NFATC2: variants seen among roughly 807,000 people sequenced by gnomAD.
The protein encoded by NFATC2 is nuclear factor of activated T-cells, cytoplasmic 2.
NFATC2 carries 22 observed loss-of-function variants against 87.3 expected under a neutral mutation model. That is an observed-to-expected ratio of 0.25 (90% confidence interval 0.18 to 0.36). NFATC2 has a LOEUF of 0.36. Among genes scored for constraint, NFATC2 ranks in the 10% least tolerant of loss-of-function variants. The probability of loss-of-function intolerance (pLI) is 1.00; values close to 1 mark genes in which losing one functional copy is unlikely to be tolerated. For missense variants in NFATC2, 1,149 were observed against 1,259.1 expected (o/e 0.91, Z 1.32); for synonymous variants, 565 against 542.2 (o/e 1.04, Z -0.58).
At chr20:51,520,493 C>T (rs1191366008) in intron 2 of NFATC2, among the ~76,000 whole-genome samples, 1 of 150,126 alleles carries the variant, frequency 6.7e-6, no homozygotes, top group Non-Finnish European at 1.5e-5. Context: ...GTCTAGTTTG[C>T]ACCTGTCTCC....
At chr20:51,398,441 C>T (rs995484576) in intron 10 of NFATC2, among the ~76,000 whole-genome samples, 10 of 152,172 alleles carry the variant, frequency 6.6e-5, no homozygotes, top group Middle Eastern at 3.4e-3. Context: ...CCCCTTCTCC[C>T]GCCCAACCCT....
chr20:51,396,628 G>A (rs1379775856), intron 10 of NFATC2, among the ~76,000 whole-genome samples: 1 of 152,166 alleles, frequency 6.6e-6, no homozygotes. Flanking sequence ...AGCTTGGATG[G>A]GAATCAAGAG....
At chr20:51,403,050 C>G (rs2146246699) in intron 9 of NFATC2, among the ~76,000 whole-genome samples, 1 of 152,356 alleles carries the variant, frequency 6.6e-6, no homozygotes, top group South Asian at 2.1e-4. Context: ...ACACACCTCC[C>G]CCCAACACAT....
At chr20:51,557,174 C>G (rs1717626077) in intron 1 of NFATC2, among the ~76,000 whole-genome samples, 1 of 152,196 alleles carries the variant, frequency 6.6e-6, no homozygotes, top group Non-Finnish European at 1.5e-5. Context: ...ATACCAAGCT[C>G]TCAGGGTTTT....
chr20:51,394,154 C>T (rs1015006296), intron 10 of NFATC2, among the ~76,000 whole-genome samples: 17 of 152,006 alleles, frequency 1.1e-4, no homozygotes, highest in African/African-American at 3.9e-4. Flanking sequence ...TCTGAAATGT[C>T]GGCACTTGTT....
chr20:51,445,867 T>C (rs1984994425), intron 6 of NFATC2, among the ~76,000 whole-genome samples: 2 of 152,188 alleles, frequency 1.3e-5, no homozygotes, highest in Admixed American at 1.3e-4. Flanking sequence ...GAGGGCACGC[T>C]TGGATGCTCA....
In NFATC2 at chr20:51,516,898, G is replaced by C. The variant is rs1159064462; in HGVS notation, c.1218C>G (p.Gly406=). The part of the protein sequence containing the change: ...PLEWPLSSQS[G]SYELRIEVQP... The stretch of plus-strand genomic sequence containing the variant: ...GCACCTCGATCCGCAGCTCGTAAGA[G>C]CCTGACTGACTGGACAGCGGCCACT... Residue 406 remains glycine (G), a synonymous_variant, in exon 3 of 11, where the codon GGC becomes GGG. Transcript: ENST00000371564. 1.2e-6 allele frequency: 2 copies of C among 1,614,080 alleles called. No individual in the cohort carries two copies. Among genetic ancestry groups the C allele is most frequent in the Non-Finnish European group, 8.5e-7 (1 of 1,180,038 alleles).
At chr20:51,538,955 T>C (rs1019299151) in intron 1 of NFATC2, among the ~76,000 whole-genome samples, 12 of 152,162 alleles carry the variant, frequency 7.9e-5, no homozygotes, top group Non-Finnish European at 1.6e-4. Context: ...TCTCACCAAA[T>C]GAGAGAATGA....
intron 3 of NFATC2, among the ~76,000 whole-genome samples, chr20:51,477,367 C>T (rs1988800554): frequency 6.6e-6 from 1 of 151,570 alleles, no homozygotes. Flanking sequence ...TCCAAACTGA[C>T]CACATCATCA....
rs895789746 is a variant in NFATC2, at chr20:51,473,960, G to A, written c.1708+20C>T. Reference sequence around the variant, plus strand: ...CCCTACGCTTTCTGAAGAAAGACCGGGCCCCAGGGCCCAACTTACAGCACT... The same window carrying A: ...CCCTACGCTTTCTGAAGAAAGACCGAGCCCCAGGGCCCAACTTACAGCACT... On this transcript the variant is annotated intron_variant, in intron 5 of 10. Coordinates refer to ENST00000371564, the MANE Select transcript of NFATC2 (RefSeq NM_012340.5). 1 of 1,607,210 alleles carries A rather than the reference G, an allele frequency of 6.2e-7. No homozygotes were observed. The highest frequency in any genetic ancestry group is 1.1e-5 in the South Asian group (1 of 90,714).
chr20:51,529,370 T>C (rs1165787601), intron 1 of NFATC2, among the ~76,000 whole-genome samples: 2 of 149,598 alleles, frequency 1.3e-5, no homozygotes, highest in Non-Finnish European at 3.0e-5. Context: ...TTTTTTTTTT[T>C]CCTCTTGACA....
Position 51,473,966 on chromosome 20 carries a change from A to G in NFATC2, c.1708+14T>C, listed in dbSNP as rs768160077. The G allele has an allele frequency of 1.1e-5, 17 of 1,604,256 alleles. No individual in the cohort carries two copies. Among genetic ancestry groups the G allele is most frequent in the Non-Finnish European group, 1.4e-5 (16 of 1,172,100 alleles). ...GCTTTCTGAAGAAAGACCGGGCCCC[A>G]GGGCCCAACTTACAGCACTCGATGG... On this transcript the variant is annotated intron_variant, in intron 5 of 10. Coordinates refer to ENST00000371564, the MANE Select transcript of NFATC2 (RefSeq NM_012340.5).
chr20:51,396,886 C>T (rs1330696677), intron 10 of NFATC2, among the ~76,000 whole-genome samples: 2 of 151,762 alleles, frequency 1.3e-5, no homozygotes, highest in Non-Finnish European at 2.9e-5. Flanking sequence ...GGTAAGTTTC[C>T]TAAGCAACCG....
chr20:51,466,440 G>A (rs1370290780), intron 5 of NFATC2, among the ~76,000 whole-genome samples: 2 of 152,108 alleles, frequency 1.3e-5, no homozygotes, highest in African/African-American at 2.4e-5. Flanking sequence ...AGTAAAGTGA[G>A]GGATAAAACG....
At chr20:51,491,873 CACAT>C (rs1320250939) in intron 3 of NFATC2, among the ~76,000 whole-genome samples, 8,971 of 59,180 alleles carry the variant, frequency 0.15, 330 homozygotes, top group African/African-American at 0.27. Flanking sequence ...CACACACATA[CACAT>C]ACACACACAC....
intron 1 of NFATC2, among the ~76,000 whole-genome samples, chr20:51,553,710 A>G (rs1479083664): frequency 6.7e-6 from 1 of 149,858 alleles, no homozygotes; most frequent in Non-Finnish European, 1.5e-5. Flanking sequence ...GGGCAGGCTC[A>G]GTAAACCTGC....
chr20:51,534,719 C>T (rs1009917821), intron 1 of NFATC2, among the ~76,000 whole-genome samples: 5 of 152,114 alleles, frequency 3.3e-5, no homozygotes, highest in African/African-American at 1.2e-4. Flanking sequence ...CATATATATA[C>T]ACACACTCGA....
At chr20:51,496,608 G>A (rs1289442679) in intron 3 of NFATC2, among the ~76,000 whole-genome samples, 2 of 152,086 alleles carry the variant, frequency 1.3e-5, no homozygotes, top group African/African-American at 4.8e-5. Context: ...GACACATACT[G>A]TCAGGCCCTC....
chr20:51,435,052 AGAT>A, intron 8 of NFATC2, 133 bp downstream of exon 8: 1 of 1,083,946 alleles, frequency 9.2e-7, no homozygotes, highest in Non-Finnish European at 1.3e-6. Flanking sequence ...GCTGTCTCAC[AGAT>A]GATGCAACTG....
Sources: allele counts gnomAD v4.1 joint callset (sites outside exome capture counted in the v4.1 genomes callset), GRCh38; gene constraint gnomAD v4.1.1; transcripts MANE v1.5; gene names NCBI Gene and HGNC (gene_info 2026-07-23, HGNC 2026-07-21).